IL6R: variants seen among roughly 807,000 people sequenced by gnomAD.
IL6R encodes interleukin-6 receptor subunit alpha.
In IL6R, 38 loss-of-function variants were observed where a neutral mutation model predicts 48.3. The observed-to-expected ratio is 0.79, with a 90% confidence interval of 0.61 to 1.03. The LOEUF is 1.03. IL6R is among the 50% of genes least tolerant of loss of function. IL6R has a pLI of 0.00. For missense variants in IL6R, 534 were observed against 618.3 expected (o/e 0.86, Z 1.45); for synonymous variants, 264 against 256.2 (o/e 1.03, Z -0.29).
intron 6 of IL6R, among the ~76,000 whole-genome samples, chr1:154,440,706 G>A (rs1689885784): frequency 1.3e-5 from 2 of 149,944 alleles, no homozygotes; most frequent in African/African-American, 5.0e-5. Flanking sequence ...CCAGTCTGGA[G>A]TGCAGTGGGG....
rs567699349 is a variant in IL6R, at chr1:154,405,654, C to T, written c.25C>T (p.Leu9=). The change falls in exon 1 of 10, where the codon CTG becomes TTG. Residue 9 remains leucine, a synonymous_variant. Transcript: ENST00000368485. This position sits in a 1 kb window ranked among gnomAD's most constrained non-coding sequence, Gnocchi z 5.2. MLAVGCAL[L]AALLAAPGAA... ...CATGCTGGCCGTCGGCTGCGCGCTGCTGGCTGCCCTGCTGGCCGCGCCGGG... is the reference window on the plus strand; with the variant it reads ...CATGCTGGCCGTCGGCTGCGCGCTGTTGGCTGCCCTGCTGGCCGCGCCGGG... The T allele has an allele frequency of 2.6e-6, 4 of 1,533,220 alleles. No homozygotes were observed. Among genetic ancestry groups the T allele is most frequent in the East Asian group, 5.0e-5 (2 of 40,368 alleles). 95.0% of individuals were successfully genotyped at this position (1,533,220 alleles called of 1,614,324 possible). A position where few individuals can be genotyped will look rare whatever the true frequency, so the allele number is the denominator to read the frequency against.
In IL6R at chr1:154,435,173, C is replaced by T; in HGVS notation, c.807+17C>T. The T allele has an allele frequency of 6.2e-7, 1 of 1,612,284 alleles. No homozygotes were observed. The highest frequency in any genetic ancestry group is 1.1e-5 in the South Asian group (1 of 91,000). ...ACATGGATGGTAAATTTATGTTTTA[C>T]TTCTGGTCAGAGAGGCGCCCCTAGA... is the stretch of plus-strand genomic sequence containing the variant. On this transcript the variant is annotated intron_variant, in intron 5 of 9. Coordinates refer to ENST00000368485, the MANE Select transcript of IL6R (RefSeq NM_000565.4).
At chr1:154,408,280 G>T (rs374580691) in intron 1 of IL6R, among the ~76,000 whole-genome samples, 1 of 152,140 alleles carries the variant, frequency 6.6e-6, no homozygotes, top group Admixed American at 6.5e-5. Context: ...CTCCCGCTTC[G>T]GGCTCTCTGT....
At chr1:154,429,556 G>C in intron 2 of IL6R, 112 bp downstream of exon 2, 1 of 1,307,556 alleles carries the variant, frequency 7.6e-7, no homozygotes, top group Non-Finnish European at 1.0e-6. Flanking sequence ...CTTGGCGCAA[G>C]AATTTTGGGG....
chr1:154,435,993 G>A lies in IL6R; in HGVS notation c.832G>A (p.Val278Ile), dbSNP rs2149245753. The A allele has an allele frequency of 1.2e-6, 2 of 1,610,470 alleles. No homozygotes were observed. Among genetic ancestry groups the A allele is most frequent in the Non-Finnish European group, 1.7e-6 (2 of 1,177,508 alleles). ...GGTCAAGGACCTCCAGCATCACTGT[G>A]TCATCCACGACGCCTGGAGCGGCCT... is the stretch of plus-strand genomic sequence containing the variant. ...WMVKDLQHHC[V>I]IHDAWSGLRH... Residue 278 changes from valine to isoleucine, a missense_variant, in exon 6 of 10, where the codon GTC becomes ATC. Val to Ile is a conservative substitution (Grantham distance 29, BLOSUM62 3). Coordinates refer to ENST00000368485, the MANE Select transcript of IL6R (RefSeq NM_000565.4).
rs1374916162 is a variant in IL6R, at chr1:154,430,574, G to A, written c.426G>A (p.Leu142=). ...CEWGPRSTPS[L]TTKAVLLVRK... ...GGGGTCCTCGGAGCACCCCATCCCT[G>A]ACGACAAAGGCTGTGCTCTTGGTGA... The change falls in exon 3 of 10, where the codon CTG becomes CTA. Residue 142 remains leucine (L), a synonymous_variant. Transcript: ENST00000368485. The A allele has an allele frequency of 1.2e-6, 2 of 1,614,202 alleles. No homozygotes were observed. Among genetic ancestry groups the A allele is most frequent in the Non-Finnish European group, 1.7e-6 (2 of 1,180,028 alleles).
At chr1:154,454,219 TTGAGG>T in intron 8 of IL6R, 1 of 495,806 alleles carries the variant, frequency 2.0e-6, no homozygotes, top group Non-Finnish European at 3.7e-6. Flanking sequence ...AACCCTGAGC[TTGAGG>T]TGTCTCTCTT....
chr1:154,447,014 G>A (rs925483221), intron 6 of IL6R, among the ~76,000 whole-genome samples: 6 of 152,082 alleles, frequency 3.9e-5, no homozygotes, highest in Admixed American at 6.5e-5. Context: ...GGTGGCACAC[G>A]CCTGTAGTCC....
chr1:154,465,841 C>G lies in IL6R; in HGVS notation c.*461C>G, dbSNP rs1691529318. 6.2e-6 allele frequency: 1 copy of G among 160,178 alleles called. No individual in the cohort carries two copies. Among genetic ancestry groups the G allele is most frequent in the Admixed American group, 6.1e-5 (1 of 16,302 alleles). 9.9% of individuals were successfully genotyped at this position (160,178 alleles called of 1,614,324 possible). A position where few individuals can be genotyped will look rare whatever the true frequency, so the allele number is the denominator to read the frequency against. Reference sequence around the variant, plus strand: ...CCCACTGCATCGTTTCATCTTCCAACTCAAACTCTTAAAACCCAAGTGCCT... The same window carrying G: ...CCCACTGCATCGTTTCATCTTCCAAGTCAAACTCTTAAAACCCAAGTGCCT... On this transcript the variant is annotated 3_prime_UTR_variant, in exon 10 of 10. Transcript: ENST00000368485.
At chr1:154,464,695 A>C (rs1306968838) in intron 9 of IL6R, among the ~76,000 whole-genome samples, 2 of 152,080 alleles carry the variant, frequency 1.3e-5, no homozygotes, top group African/African-American at 2.4e-5. Context: ...GTGCCGGCTC[A>C]TACCTGTAAT....
At position 154,429,192 on chromosome 1, in the gene IL6R, C is replaced by T; in HGVS notation, c.86-4C>T. 1 of 1,608,762 alleles carries T rather than the reference C, an allele frequency of 6.2e-7. No homozygotes were observed. ...GCTCACCAAGTGTCTTCTCCCTCCTCCAGAGGTGGCGAGAGGCGTGCTGAC... is the reference window on the plus strand; with the variant it reads ...GCTCACCAAGTGTCTTCTCCCTCCTTCAGAGGTGGCGAGAGGCGTGCTGAC... On this transcript the variant is annotated splice_region_variant and splice_polypyrimidine_tract_variant and intron_variant, in intron 1 of 9. Coordinates refer to ENST00000368485, the MANE Select transcript of IL6R (RefSeq NM_000565.4).
chr1:154,414,744 G>T, intron 1 of IL6R: 1 of 787,682 alleles, frequency 1.3e-6, no homozygotes. Context: ...TTTTGGTGTA[G>T]ACATTGGTCT....
chr1:154,421,644 C>T (rs1215719933), intron 1 of IL6R, among the ~76,000 whole-genome samples: 1 of 152,166 alleles, frequency 6.6e-6, no homozygotes, highest in African/African-American at 2.4e-5. Context: ...TTTTGAGACA[C>T]AGTCTTGCTC....
At chr1:154,447,686 TTTTTGTTTTGTTTTGTTTTG>T (rs527467504) in intron 6 of IL6R, among the ~76,000 whole-genome samples, 2 of 148,426 alleles carry the variant, frequency 1.3e-5, no homozygotes, top group African/African-American at 2.5e-5. Context: ...AGCATGCTGT[TTTTTGTTTTGTTTTGTTTTG>T]TTTTGTTTTG....
rs778219779 is a variant in IL6R at position 154,454,494 on chromosome 1, ATTC to A, written c.1080_1082del (p.Ser361del). On this transcript the variant is annotated inframe_deletion, in exon 9 of 10. Transcript: ENST00000368485. Reference sequence around the variant, plus strand: ...AATTTTTTTTTTAACCTAGTGCAAGATTCTTCTTCAGTACCACTGCCCACATTC... The same window carrying A: ...AATTTTTTTTTTAACCTAGTGCAAGATTCTTCAGTACCACTGCCCACATTC... 6.2e-6 allele frequency: 10 copies of A among 1,608,352 alleles called. No homozygotes were observed. Among genetic ancestry groups the A allele is most frequent in the Non-Finnish European group, 8.5e-6 (10 of 1,175,744 alleles).
Position 154,437,880 on chromosome 1 carries a change from A to AT in IL6R, c.949+1785dup, listed in dbSNP as rs34722852. On this transcript the variant is annotated intron_variant, in intron 6 of 9. Coordinates refer to ENST00000368485, the MANE Select transcript of IL6R (RefSeq NM_000565.4). ...AGGTGCACACCACCACGCCCGGCTA[A>AT]TTTTTTTTTTTTTTTAGTAGAGACG... Among the ~76,000 whole-genome samples the AT allele has an allele frequency of 7.6e-3, 1,057 of 138,284 alleles. 5 individuals are homozygous for AT. Among genetic ancestry groups the AT allele is most frequent in the South Asian group, 0.021 (88 of 4,262 alleles). 90.7% of individuals were successfully genotyped at this position (138,284 alleles called of 152,430 possible).
intron 6 of IL6R, among the ~76,000 whole-genome samples, chr1:154,447,502 CATATAT>C (rs1225161315): frequency 3.1e-5 from 3 of 97,968 alleles, no homozygotes; most frequent in African/African-American, 2.4e-4. Context: ...CACACACACA[CATATAT>C]ATATACACAC....
chr1:154,432,049 A>G (rs1358422727), intron 3 of IL6R, among the ~76,000 whole-genome samples: 4 of 152,230 alleles, frequency 2.6e-5, no homozygotes, highest in East Asian at 1.9e-4. Flanking sequence ...AGTGACTTCA[A>G]TAGGGTGGTT....
chr1:154,462,955 G>T (rs561290542), intron 9 of IL6R, among the ~76,000 whole-genome samples: 2 of 152,160 alleles, frequency 1.3e-5, no homozygotes, highest in African/African-American at 4.8e-5. Flanking sequence ...TTACAGGCAT[G>T]CGCCACGACA....
Sources: gnomAD v4.1 joint callset for allele counts (sites outside exome capture counted in the v4.1 genomes callset) on GRCh38, gnomAD v4.1.1 for gene constraint, Gnocchi (gnomAD v3.1) non-coding constraint, MANE v1.5 for transcripts, NCBI Gene and HGNC (gene_info 2026-07-23, HGNC 2026-07-21) for gene names.